Variants in ACAA2 observed in about 807,000 individuals in gnomAD.
ACAA2 encodes acetyl-CoA acyltransferase 2.
ACAA2 carries 35 observed loss-of-function variants against 44.8 expected under a neutral mutation model. The ratio of observed to expected loss-of-function variants is 0.78; its 90% CI spans 0.60 to 1.04. The LOEUF is 1.04. ACAA2 is among the 50% of genes least tolerant of loss of function. ACAA2 has a pLI of 0.00. For synonymous variants in ACAA2, 142 were observed against 166.5 expected, an observed-to-expected ratio of 0.85 and a Z score of 1.13; for missense variants, 468 against 482.6, an observed-to-expected ratio of 0.97 and a Z score of 0.28.
intron 9 of ACAA2, among the ~76,000 whole-genome samples, chr18:49,784,214 G>C (rs903873432): frequency 6.6e-6 from 1 of 152,188 alleles, no homozygotes; most frequent in African/African-American, 2.4e-5. Context: ...TAGATTTAGG[G>C]TATATGAAAC....
intron 1 of ACAA2, among the ~76,000 whole-genome samples, chr18:49,803,555 T>G (rs1352957407): frequency 6.6e-6 from 1 of 152,154 alleles, no homozygotes; most frequent in African/African-American, 2.4e-5. Flanking sequence ...TTTAATCCAG[T>G]GTCTGAGGAG....
At chr18:49,801,727 A>G (rs2023549764) in intron 2 of ACAA2, among the ~76,000 whole-genome samples, 1 of 146,942 alleles carries the variant, frequency 6.8e-6, no homozygotes, top group Middle Eastern at 3.2e-3. Flanking sequence ...AAATATATGT[A>G]TCATATATAT....
chr18:49,794,421 C>T lies in ACAA2; in HGVS notation c.436G>A (p.Asp146Asn). 6.3e-7 allele frequency: 1 copy of T among 1,583,124 alleles called. No individual in the cohort carries two copies. Among genetic ancestry groups the T allele is most frequent in the Non-Finnish European group, 8.6e-7 (1 of 1,168,252 alleles). ...TKLGSDIKLE[D>N]SLWVSLTDQH... The stretch of plus-strand genomic sequence containing the variant: ...TCTGTTAATGATACCCATAAAGAAT[C>T]TTCCAGCTATTAAAAGACATTAATA... The change falls in exon 5 of 10, where the codon GAT (aspartate) becomes AAT (asparagine). Residue 146 changes from aspartate to asparagine, a missense_variant. Physicochemically the swap from Asp to Asn is conservative, Grantham distance 23. Transcript: ENST00000285093.
intron 7 of ACAA2, among the ~76,000 whole-genome samples, chr18:49,788,163 T>C (rs1238713901): frequency 6.6e-6 from 1 of 152,220 alleles, no homozygotes; most frequent in African/African-American, 2.4e-5. Context: ...ATATTGCTCA[T>C]AATTTAAATC....
intron 2 of ACAA2, among the ~76,000 whole-genome samples, chr18:49,798,907 T>C (rs1041796942): frequency 1.3e-4 from 20 of 152,126 alleles, no homozygotes; most frequent in African/African-American, 4.8e-4. Flanking sequence ...TATTAACAGA[T>C]AAATATTTGG....
chr18:49,801,576 G>A (rs1243238797), intron 2 of ACAA2, among the ~76,000 whole-genome samples: 1 of 151,692 alleles, frequency 6.6e-6, no homozygotes, highest in Admixed American at 6.6e-5. Flanking sequence ...ACTGCCAAAG[G>A]AAAAAAGTCA....
At chr18:49,792,026 A>G (rs1156861786) in intron 6 of ACAA2, 126 bp downstream of exon 6, 9 of 621,194 alleles carry the variant, frequency 1.4e-5, no homozygotes, top group Non-Finnish European at 2.4e-5. Context: ...TTAATTGAAT[A>G]TGAACACTAT....
chr18:49,796,680 T>C (rs958340688), intron 3 of ACAA2, among the ~76,000 whole-genome samples: 2 of 152,032 alleles, frequency 1.3e-5, no homozygotes, highest in African/African-American at 2.4e-5. Flanking sequence ...TAAAATACAT[T>C]TCCTTATCCT....
At chr18:49,811,145 T>G (rs1292078496) in intron 1 of ACAA2, among the ~76,000 whole-genome samples, 1 of 151,700 alleles carries the variant, frequency 6.6e-6, no homozygotes, top group Non-Finnish European at 1.5e-5. Context: ...TGAAAGACAG[T>G]GAAGAGACCT....
intron 6 of ACAA2, 83 bp from the exon 7 acceptor site, chr18:49,791,682 G>A: frequency 7.0e-7 from 1 of 1,423,098 alleles, no homozygotes. Context: ...AGTAGTATTA[G>A]GAATATGGCA....
Position 49,804,663 on chromosome 18 carries a change from TAATCAC to T in ACAA2, c.17-1816_17-1811del, listed in dbSNP as rs536727198. Among the ~76,000 whole-genome samples, 243 of 152,370 alleles carry T rather than the reference TAATCAC, an allele frequency of 1.6e-3. 2 individuals carry two copies. The highest frequency in any genetic ancestry group is 2.2e-3 in the Admixed American group (34 of 15,304). ...TAACAAAAATAGCATGCATTTTATCTAATCACAAAGAATAGAGGAATTATCTATACA... is the reference window on the plus strand; with the variant it reads ...TAACAAAAATAGCATGCATTTTATCTAAAGAATAGAGGAATTATCTATACA... On this transcript the variant is annotated intron_variant, in intron 1 of 9. Coordinates refer to ENST00000285093, the MANE Select transcript of ACAA2 (RefSeq NM_006111.3).
chr18:49,792,466 A>T (rs747712530), intron 5 of ACAA2, 139 bp from the exon 6 acceptor site: 33 of 821,468 alleles, frequency 4.0e-5, no homozygotes, highest in Non-Finnish European at 5.5e-5. Flanking sequence ...AATTTTTGAG[A>T]TGGAGTCTCA....
chr18:49,786,200 T>TTATC (rs1336310412), intron 8 of ACAA2: 1 of 152,186 alleles, frequency 6.6e-6, no homozygotes, highest in Admixed American at 6.5e-5. Flanking sequence ...AGATCCACCA[T>TTATC]TATCTTTCTA....
intron 1 of ACAA2, among the ~76,000 whole-genome samples, chr18:49,811,998 T>C (rs1260310402): frequency 1.3e-5 from 2 of 152,220 alleles, no homozygotes; most frequent in Non-Finnish European, 2.9e-5. Flanking sequence ...AATATTAAAA[T>C]GATATCAGTA....
chr18:49,812,348 C>A (rs1489078662), intron 1 of ACAA2, among the ~76,000 whole-genome samples: 1 of 141,930 alleles, frequency 7.0e-6, no homozygotes, highest in African/African-American at 2.7e-5. Context: ...ATCCTTCTTT[C>A]CACATCTATT....
chr18:49,796,363 C>T (rs1293499234), intron 3 of ACAA2, among the ~76,000 whole-genome samples: 3 of 152,156 alleles, frequency 2.0e-5, no homozygotes, highest in Non-Finnish European at 4.4e-5. Flanking sequence ...CCACTGTTTG[C>T]CTTTCTCAGA....
In ACAA2 at chr18:49,785,395, A is replaced by G. The variant is rs908669361; in HGVS notation, c.955-44T>C. On this transcript the variant is annotated intron_variant, in intron 8 of 9. Transcript: ENST00000285093. ...GCACTAACAAAAATCCTTACTCACA[A>G]ACTAATTTTTAAATGAGAATGGTCC... The G allele has an allele frequency of 2.5e-6, 4 of 1,596,078 alleles. No homozygotes were observed. The African/African-American group carries it at 5.4e-5, about 22-fold the overall frequency.
chr18:49,812,203 AT>A (rs2023678305), intron 1 of ACAA2, among the ~76,000 whole-genome samples: 2 of 152,110 alleles, frequency 1.3e-5, no homozygotes, highest in African/African-American at 4.8e-5. Flanking sequence ...CAGAATACGG[AT>A]TTTTCCCTTG....
intron 7 of ACAA2, among the ~76,000 whole-genome samples, chr18:49,790,321 A>C (rs917747616): frequency 6.6e-6 from 1 of 152,204 alleles, no homozygotes; most frequent in African/African-American, 2.4e-5. Flanking sequence ...ATACAGAGAT[A>C]TGTCTTCTCT....
Sources: allele counts gnomAD v4.1 joint callset (sites outside exome capture counted in the v4.1 genomes callset), GRCh38; gene constraint gnomAD v4.1.1; transcripts MANE v1.5; gene names NCBI Gene and HGNC (gene_info 2026-07-23, HGNC 2026-07-21).